The following GPR89B variants were observed in gnomAD, a reference collection of about 807,000 sequenced individuals.
GPR89B encodes G protein-coupled receptor 89B.
A neutral mutation model predicts 52.4 loss-of-function variants in GPR89B; 25 were observed. The ratio of observed to expected loss-of-function variants is 0.48; its 90% CI spans 0.35 to 0.67. The LOEUF is 0.67. Among genes scored for constraint, GPR89B ranks in the 30% least tolerant of loss-of-function variants. GPR89B has a pLI of 0.01. For synonymous variants in GPR89B, 52 were observed against 151.2 expected (o/e 0.34, Z 4.81); for missense variants, 146 against 450.2 (o/e 0.32, Z 6.11).
the GPR89B span, chr1:148,025,755 ATCTC>A: frequency 1.4e-5 from 2 of 140,718 alleles, no homozygotes; most frequent in African/African-American, 2.8e-5. Context: ...GCATCAAAGA[ATCTC>A]TCTCTTTCTC....
chr1:147,936,773 T>C, intron 2 of GPR89B, 87 bp downstream of exon 2: 1 of 1,067,114 alleles, frequency 9.4e-7, no homozygotes. Flanking sequence ...ATTATGTTCA[T>C]TTCCAAGATA....
chr1:147,978,164 A>T (rs1299640560), intron 10 of GPR89B, among the ~76,000 whole-genome samples: 1 of 151,090 alleles, frequency 6.6e-6, no homozygotes. Context: ...TGACCTTTGG[A>T]TGGGGTTTTT....
chr1:147,970,673 A>G (rs1467844779), intron 10 of GPR89B, among the ~76,000 whole-genome samples: 1 of 151,054 alleles, frequency 6.6e-6, no homozygotes, highest in Non-Finnish European at 1.5e-5. Flanking sequence ...CCTTCAGCTC[A>G]GAAGTTACTT....
intron 1 of GPR89B, among the ~76,000 whole-genome samples, chr1:147,933,415 C>T (rs1653813474): frequency 6.6e-6 from 1 of 151,524 alleles, no homozygotes; most frequent in Non-Finnish European, 1.5e-5. Context: ...ATACTATTCC[C>T]AGGTGATCTC....
At chr1:147,990,880 C>G (rs1408289450) in intron 12 of GPR89B, among the ~76,000 whole-genome samples, 4 of 148,722 alleles carry the variant, frequency 2.7e-5, no homozygotes, top group Non-Finnish European at 4.6e-5. Context: ...AGTCAGGTAG[C>G]GTGATGCCTC....
At chr1:147,966,098 C>T (rs1312075994) in intron 7 of GPR89B, among the ~76,000 whole-genome samples, 5 of 151,886 alleles carry the variant, frequency 3.3e-5, no homozygotes, top group African/African-American at 1.2e-4. Context: ...CCACCTGCCT[C>T]GGCCTCCCAA....
chr1:147,962,922 T>A (rs1656716006), intron 7 of GPR89B, among the ~76,000 whole-genome samples: 7 of 133,930 alleles, frequency 5.2e-5, no homozygotes, highest in African/African-American at 5.6e-5. Flanking sequence ...AAACAGATAA[T>A]AGACTAAAAT....
chr1:148,025,585 T>C, the GPR89B span, among the ~76,000 whole-genome samples: 2 of 138,252 alleles, frequency 1.4e-5, no homozygotes, highest in Admixed American at 7.2e-5. Flanking sequence ...CTTGGTGTTA[T>C]AAAATGAATT....
intron 12 of GPR89B, among the ~76,000 whole-genome samples, chr1:147,990,839 T>G (rs1659012942): frequency 6.6e-6 from 1 of 151,378 alleles, no homozygotes; most frequent in African/African-American, 2.4e-5. Context: ...CCATGCTGTT[T>G]TGGTTACTGT....
At chr1:147,980,818 CAA>C (rs1176400328) in intron 10 of GPR89B, among the ~76,000 whole-genome samples, 274 of 22,476 alleles carry the variant, frequency 0.012, no homozygotes, top group East Asian at 0.078. Context: ...GACTCCGTCT[CAA>C]AAAAAAAAAA....
chr1:147,949,985 ACCTC>A (rs1207856411), intron 5 of GPR89B, among the ~76,000 whole-genome samples: 1 of 110,568 alleles, frequency 9.0e-6, no homozygotes, highest in Non-Finnish European at 1.8e-5. Context: ...TGACCCCCCC[ACCTC>A]CCTCCCGGAC....
intron 7 of GPR89B, among the ~76,000 whole-genome samples, chr1:147,958,078 A>AG (rs1656257760): frequency 6.6e-6 from 1 of 152,080 alleles, no homozygotes; most frequent in East Asian, 1.9e-4. Context: ...AAGAAAAAAA[A>AG]AAAGAATGAT....
Position 147,983,697 on chromosome 1 carries a change from G to A in GPR89B, c.910-2502G>A, listed in dbSNP as rs1273960942. On this transcript the variant is annotated intron_variant, in intron 10 of 13. Transcript: ENST00000314163. ...AAACAACAGGTGCTGGAGAGGATGT[G>A]GAGAAACAGGAACACTTTTACACTG... 4.6e-5 allele frequency among the ~76,000 whole-genome samples: 7 copies of A among 151,756 alleles called. No homozygotes were observed. The South Asian group carries it at 8.4e-4, about 18-fold the overall frequency.
intron 1 of GPR89B, among the ~76,000 whole-genome samples, chr1:147,930,720 G>A (rs1409344976): frequency 1.4e-5 from 2 of 147,760 alleles, no homozygotes; most frequent in Non-Finnish European, 3.1e-5. Flanking sequence ...GGCACAGGAT[G>A]AAGTTCAAAC....
intron 7 of GPR89B, among the ~76,000 whole-genome samples, chr1:147,962,538 GC>G (rs1454309709): frequency 6.6e-6 from 1 of 151,822 alleles, no homozygotes; most frequent in Admixed American, 6.6e-5. Context: ...ACCAAATGGT[GC>G]TAGAGCAATT....
At chr1:147,957,981 G>A (rs1334361345) in intron 7 of GPR89B, among the ~76,000 whole-genome samples, 1 of 151,340 alleles carries the variant, frequency 6.6e-6, no homozygotes, top group Non-Finnish European at 1.5e-5. Context: ...GGAGAACGGT[G>A]TGAACCCAGG....
chr1:147,928,600 C>A, intron 1 of GPR89B, 22 bp downstream of exon 1: 1 of 1,613,842 alleles, frequency 6.2e-7, no homozygotes, highest in Non-Finnish European at 8.5e-7. Context: ...CCTCCCGCCC[C>A]GACACCCGTC....
intron 12 of GPR89B, among the ~76,000 whole-genome samples, chr1:147,991,046 C>T (rs1659029234): frequency 6.6e-6 from 1 of 151,096 alleles, no homozygotes; most frequent in African/African-American, 2.5e-5. Flanking sequence ...GGCAGTATGG[C>T]CATTTTCATG....
At chr1:147,952,810 C>A (rs1655822150) in intron 5 of GPR89B, among the ~76,000 whole-genome samples, 1 of 150,434 alleles carries the variant, frequency 6.6e-6, no homozygotes, top group African/African-American at 2.5e-5. Context: ...GATGTGTTTG[C>A]CTTTGAATTA....
Sources: allele counts gnomAD v4.1 joint callset (sites outside exome capture counted in the v4.1 genomes callset), GRCh38; gene constraint gnomAD v4.1.1; transcripts MANE v1.5; gene names NCBI Gene and HGNC (gene_info 2026-07-23, HGNC 2026-07-21).